The following MYLK4 variants were observed in gnomAD, a reference collection of about 807,000 sequenced individuals.
MYLK4 encodes myosin light chain kinase family member 4, also known as caMLCK like.
In MYLK4, 46 loss-of-function variants were observed where a neutral mutation model predicts 48.1. The observed-to-expected ratio is 0.96, with a 90% CI of 0.75 to 1.22. The LOEUF is 1.22. Among genes scored for constraint, MYLK4 ranks in the 50% most tolerant of loss-of-function variants. The pLI, the probability that MYLK4 is intolerant of heterozygous loss-of-function variation, is 0.00. For synonymous variants in MYLK4, 170 were observed against 180.8 expected (o/e 0.94, Z 0.48); for missense variants, 451 against 486.1 (o/e 0.93, Z 0.68).
At chr6:2,766,072 G>A in the MYLK4 span, 5 of 1,296,926 alleles carry the variant, frequency 3.9e-6, no homozygotes, top group African/African-American at 1.5e-5. Flanking sequence ...CCGCGGCGGG[G>A]AGCGCGTCTC....
intron 11 of MYLK4, 32 bp downstream of exon 11, chr6:2,675,015 G>A (rs373295901): frequency 9.3e-5 from 141 of 1,519,358 alleles, no homozygotes; most frequent in Non-Finnish European, 1.2e-4. Context: ...GCAGACAGGA[G>A]AAAAAGAGGA....
rs375385054 is a variant in MYLK4 at position 2,685,281 on chromosome 6, G to A, written c.545+15C>T. On this transcript the variant is annotated intron_variant, in intron 6 of 12. Transcript: ENST00000274643. The surrounding 1 kb of genome is among the most constrained non-coding windows in gnomAD (Gnocchi z 4.5). Reference sequence around the variant, plus strand: ...CCCTTGGGGAGGTCAGGGAGGGGGCGGAGGGGATACGTACTACTCCATGAC... The same window carrying A: ...CCCTTGGGGAGGTCAGGGAGGGGGCAGAGGGGATACGTACTACTCCATGAC... 3.8e-6 allele frequency: 6 copies of A among 1,585,654 alleles called. No individual in the cohort carries two copies. The highest frequency in any genetic ancestry group is 3.3e-5 in the South Asian group (3 of 90,540).
At chr6:2,768,811 G>C in the MYLK4 span, 1 of 1,613,818 alleles carries the variant, frequency 6.2e-7, no homozygotes. Flanking sequence ...AGCTCAAAAT[G>C]AAAAGAGCTT....
rs890927165 is a variant in MYLK4, at chr6:2,664,976, G to A, written c.*2949C>T. ...GCATGCCTTCTCCTTAATAACTTGCGAGGTTTATTTCTCTCCAGGCAGTGG... is the reference window on the plus strand; with the variant it reads ...GCATGCCTTCTCCTTAATAACTTGCAAGGTTTATTTCTCTCCAGGCAGTGG... On this transcript the variant is annotated 3_prime_UTR_variant, in exon 13 of 13. Transcript: ENST00000274643. 5 of 152,310 alleles carry A rather than the reference G, an allele frequency of 3.3e-5. No individual in the cohort carries two copies. Among genetic ancestry groups the A allele is most frequent in the East Asian group, 1.9e-4 (1 of 5,182 alleles). The allele number at this position is 152,310 out of a possible 1,614,324, so 9.4% of individuals were successfully genotyped here. A position where few individuals can be genotyped will look rare whatever the true frequency, so the allele number is the denominator to read the frequency against.
rs957057352 is a variant in MYLK4 at position 2,685,771 on chromosome 6, G to A, written c.342-195C>T. ...CTTGCATCAGAATCACCTGGGAGCT[G>A]TTAAGAAAGCAGGTCTCGGCCGGGC... On this transcript the variant is annotated intron_variant, in intron 4 of 12. Transcript: ENST00000274643. This position sits in a 1 kb window ranked among gnomAD's most constrained non-coding sequence, Gnocchi z 4.5. Among the ~76,000 whole-genome samples, 2 of 152,096 alleles carry A rather than the reference G, an allele frequency of 1.3e-5. No homozygotes were observed. The highest frequency in any genetic ancestry group is 2.1e-4 in the South Asian group (1 of 4,818).
chr6:2,759,215 A>C, the MYLK4 span, among the ~76,000 whole-genome samples: 1 of 152,168 alleles, frequency 6.6e-6, no homozygotes, highest in Non-Finnish European at 1.5e-5. Context: ...TCCTGGCCTC[A>C]AGTGATCCTC....
At chr6:2,702,908 A>T (rs1438380557) in intron 2 of MYLK4, among the ~76,000 whole-genome samples, 6 of 151,660 alleles carry the variant, frequency 4.0e-5, no homozygotes, top group Non-Finnish European at 7.4e-5. Flanking sequence ...GAACATGAAC[A>T]CCAAGCTGAA....
intron 10 of MYLK4, among the ~76,000 whole-genome samples, chr6:2,677,908 GT>G (rs1178960549): frequency 6.6e-6 from 1 of 152,194 alleles, no homozygotes; most frequent in East Asian, 1.9e-4. Flanking sequence ...CTTAGTAGAG[GT>G]GAAAGGAATC....
chr6:2,743,709 CA>C (rs1398408193), intron 2 of MYLK4, among the ~76,000 whole-genome samples: 1 of 152,154 alleles, frequency 6.6e-6, no homozygotes, highest in Non-Finnish European at 1.5e-5. Context: ...TGAGGTTCCC[CA>C]AAAGTTGGTG....
At chr6:2,751,582 G>T (rs1421509023), upstream of MYLK4, among the ~76,000 whole-genome samples, 1 of 152,146 alleles carries the variant, frequency 6.6e-6, no homozygotes, top group Non-Finnish European at 1.5e-5. Context: ...CACTGAAGTG[G>T]CATAAAACTT....
chr6:2,674,216 G>A (rs1484511238), intron 11 of MYLK4, among the ~76,000 whole-genome samples: 1 of 152,194 alleles, frequency 6.6e-6, no homozygotes, highest in Non-Finnish European at 1.5e-5. Context: ...CAGAGAGTGG[G>A]CTAGGTTATT....
the MYLK4 span, among the ~76,000 whole-genome samples, chr6:2,762,696 T>C: frequency 9.9e-5 from 15 of 152,230 alleles, no homozygotes; most frequent in Non-Finnish European, 1.5e-4. Context: ...AATAAACGCA[T>C]AGACCCTCAC....
At chr6:2,692,049 T>G (rs1761824533) in intron 3 of MYLK4, among the ~76,000 whole-genome samples, 1 of 152,242 alleles carries the variant, frequency 6.6e-6, no homozygotes, top group Admixed American at 6.5e-5. Flanking sequence ...GGTCCAGCAC[T>G]GTCTCATGTG....
At chr6:2,682,156 C>T (rs1761332049) in intron 7 of MYLK4, among the ~76,000 whole-genome samples, 1 of 152,150 alleles carries the variant, frequency 6.6e-6, no homozygotes, top group Admixed American at 6.5e-5. Flanking sequence ...TATGCAATCC[C>T]TAGTGAATGC....
At chr6:2,721,938 G>A (rs1354285100) in intron 2 of MYLK4, among the ~76,000 whole-genome samples, 2 of 152,170 alleles carry the variant, frequency 1.3e-5, no homozygotes, top group Admixed American at 1.3e-4. Flanking sequence ...GAAATGTAAG[G>A]TCTCAAAAAT....
the MYLK4 span, among the ~76,000 whole-genome samples, chr6:2,765,185 CCCCCCCCCG>C: frequency 2.0e-5 from 2 of 101,758 alleles, no homozygotes; most frequent in African/African-American, 3.2e-5. Context: ...CCTCGCAACC[CCCCCCCCCG>C]CCCCTCCCCC....
chr6:2,718,505 C>G (rs1762950567), intron 2 of MYLK4, among the ~76,000 whole-genome samples: 1 of 152,216 alleles, frequency 6.6e-6, no homozygotes, highest in African/African-American at 2.4e-5. Context: ...GCCCTTCCAT[C>G]ATCCTTCCTT....
intron 12 of MYLK4, among the ~76,000 whole-genome samples, chr6:2,668,364 C>T (rs967424342): frequency 2.0e-5 from 3 of 152,148 alleles, no homozygotes; most frequent in African/African-American, 4.8e-5. Context: ...CACACGGCTA[C>T]CTGCCATCAT....
intron 12 of MYLK4, among the ~76,000 whole-genome samples, chr6:2,670,077 A>C (rs889230082): frequency 1.3e-4 from 20 of 152,200 alleles, no homozygotes; most frequent in African/African-American, 4.8e-4. Flanking sequence ...AGAAAGGATT[A>C]AGACCAGGCC....
Sources: allele counts gnomAD v4.1 joint callset (sites outside exome capture counted in the v4.1 genomes callset), GRCh38; gene constraint gnomAD v4.1.1; non-coding constraint Gnocchi (gnomAD v3.1); transcripts MANE v1.5; gene names NCBI Gene and HGNC (gene_info 2026-07-23, HGNC 2026-07-21).